ITSN1: variants seen among roughly 807,000 people sequenced by gnomAD.
The protein encoded by ITSN1 is intersectin 1, also known as intersectin-1.
A neutral mutation model predicts 239.8 loss-of-function variants in ITSN1; 58 were observed. That is an observed-to-expected ratio of 0.24 (90% CI 0.20 to 0.30). The LOEUF (loss-of-function observed/expected upper bound fraction) is 0.30. Ranked by LOEUF, ITSN1 falls within the 10% of genes least tolerant of loss-of-function variation. ITSN1 has a pLI of 1.00. For missense variants in ITSN1, 1,558 were observed against 2,103.3 expected, an observed-to-expected ratio of 0.74 and a Z score of 5.07; for synonymous variants, 780 against 770.8, an observed-to-expected ratio of 1.01 and a Z score of -0.20.
chr21:33,833,434 C>T (rs1387242704), intron 27 of ITSN1, among the ~76,000 whole-genome samples: 1 of 152,232 alleles, frequency 6.6e-6, no homozygotes, highest in Non-Finnish European at 1.5e-5. Flanking sequence ...CATGCAGACA[C>T]ATGAGTGCAT....
At chr21:33,654,190 C>G (rs2088825068) in intron 1 of ITSN1, among the ~76,000 whole-genome samples, 2 of 151,622 alleles carry the variant, frequency 1.3e-5, no homozygotes, top group Admixed American at 1.3e-4. Flanking sequence ...TTGACTACAG[C>G]CACAGCCACG....
intron 1 of ITSN1, among the ~76,000 whole-genome samples, chr21:33,670,395 C>T (rs943795416): frequency 6.6e-6 from 1 of 152,028 alleles, no homozygotes; most frequent in South Asian, 2.1e-4. Context: ...TTACTTATTC[C>T]CTAATTTATG....
In ITSN1 at chr21:33,753,745, C is replaced by T. The variant is rs1410160395; in HGVS notation, c.624-1552C>T. On this transcript the variant is annotated intron_variant, in intron 7 of 39. Coordinates refer to ENST00000381318, the MANE Select transcript of ITSN1 (RefSeq NM_003024.3). ...GCATTGCATTCCAGCCTGGGTGACACGGCAAGTCTCTTTCTTAAAAAAAAA... is the reference window on the plus strand; with the variant it reads ...GCATTGCATTCCAGCCTGGGTGACATGGCAAGTCTCTTTCTTAAAAAAAAA... 5.8e-5 allele frequency among the ~76,000 whole-genome samples: 7 copies of T among 120,858 alleles called. No individual in the cohort carries two copies. In the East Asian group the frequency reaches 1.2e-3, roughly 21 times the overall value. The allele number at this position is 120,858 out of a possible 152,430, so 79.3% of individuals were successfully genotyped here.
chr21:33,752,486 C>T (rs1182831184), intron 7 of ITSN1, among the ~76,000 whole-genome samples: 1 of 152,066 alleles, frequency 6.6e-6, no homozygotes, highest in African/African-American at 2.4e-5. Context: ...ATGTTTTGGC[C>T]AACCTTGGTT....
In ITSN1 at chr21:33,721,287, T is replaced by C. The variant is rs761431600; in HGVS notation, c.121+17T>C. ...TCATTACTGGTAATCACAGTCAGCA[T>C]TTTTTCATTTTTACTTATCAGTAGT... On this transcript the variant is annotated intron_variant, in intron 3 of 39. Coordinates refer to ENST00000381318, the MANE Select transcript of ITSN1 (RefSeq NM_003024.3). 6.6e-7 allele frequency: 1 copy of C among 1,515,606 alleles called. No homozygotes were observed. The highest frequency in any genetic ancestry group is 1.1e-5 in the South Asian group (1 of 89,124). 93.9% of individuals were successfully genotyped at this position (1,515,606 alleles called of 1,614,324 possible).
intron 8 of ITSN1, among the ~76,000 whole-genome samples, chr21:33,759,842 G>A (rs942564215): frequency 6.6e-6 from 1 of 152,178 alleles, no homozygotes; most frequent in Non-Finnish European, 1.5e-5. Flanking sequence ...ACTCATACCT[G>A]TAATCCCAGC....
At position 33,868,424 on chromosome 21, in the gene ITSN1, G is replaced by GC. The variant is rs1419982991; in HGVS notation, c.4173+1094dup. Among the ~76,000 whole-genome samples, 13 of 152,232 alleles carry GC rather than the reference G, an allele frequency of 8.5e-5. 1 individual carries two copies. The highest frequency in any genetic ancestry group is 8.5e-4 in the Admixed American group (13 of 15,292). On this transcript the variant is annotated intron_variant, in intron 33 of 39. Transcript: ENST00000381318. ...CAGGAACCCACGGAGGCAGGGGAAGGCTCAGGCATGGCGGGCTGCAGTCCC... is the reference window on the plus strand; with the variant it reads ...CAGGAACCCACGGAGGCAGGGGAAGGCCTCAGGCATGGCGGGCTGCAGTCCC...
chr21:33,820,441 T>C (rs1218247483), intron 24 of ITSN1, among the ~76,000 whole-genome samples: 1 of 152,222 alleles, frequency 6.6e-6, no homozygotes, highest in Non-Finnish European at 1.5e-5. Context: ...CTTGAATACA[T>C]TACAGGAGAA....
At chr21:33,747,909 G>A (rs2067279451) in intron 5 of ITSN1, among the ~76,000 whole-genome samples, 1 of 152,044 alleles carries the variant, frequency 6.6e-6, no homozygotes, top group Admixed American at 6.6e-5. Flanking sequence ...CATCAAAAAT[G>A]GTAAATATGT....
intron 20 of ITSN1, among the ~76,000 whole-genome samples, chr21:33,808,437 T>C: frequency 6.6e-6 from 1 of 151,872 alleles, no homozygotes; most frequent in East Asian, 1.9e-4. Flanking sequence ...ATACAGAAAT[T>C]AGCCAGGCGT....
chr21:33,867,552 G>C (rs1352284740), intron 33 of ITSN1, among the ~76,000 whole-genome samples: 1 of 151,352 alleles, frequency 6.6e-6, no homozygotes, highest in Non-Finnish European at 1.5e-5. Flanking sequence ...TGTAATCCCA[G>C]CACTTTGGGA....
chr21:33,690,145 G>A lies in ITSN1; in HGVS notation c.-32-28652G>A, dbSNP rs145137149. On this transcript the variant is annotated intron_variant, in intron 1 of 39. Transcript: ENST00000381318. ...CCAAAAATACTAGCCTGGCGTGGTG[G>A]TGCATGCCTGTAGTCCCAGCTATTC... 1.6e-3 allele frequency among the ~76,000 whole-genome samples: 239 copies of A among 151,542 alleles called. 1 individual carries two copies. The highest frequency in any genetic ancestry group is 3.4e-3 in the Middle Eastern group (1 of 292).
At chr21:33,871,130 C>CAA (rs748935209) in intron 33 of ITSN1, among the ~76,000 whole-genome samples, 1 of 132,878 alleles carries the variant, frequency 7.5e-6, no homozygotes, top group Non-Finnish European at 1.6e-5. Context: ...GACTCTGTCT[C>CAA]AAAAAAAAAA....
rs929342450 is a variant in ITSN1, at chr21:33,836,591, A to G, written c.3620A>G (p.Asn1207Ser). 4 of 1,614,124 alleles carry G rather than the reference A, an allele frequency of 2.5e-6. No homozygotes were observed. The highest frequency in any genetic ancestry group is 1.3e-5 in the African/African-American group (1 of 75,022). The change falls in exon 29 of 40, where the codon AAT becomes AGT. Residue 1207 changes from asparagine (N) to serine (S), a missense_variant. Physicochemically the swap from Asn to Ser is conservative, Grantham distance 46 (BLOSUM62 1). Transcript: ENST00000381318. ...GGACAAGTGGGGCTCTTCCCATCCAATTATGTGAAGCTGACCACAGACATG... is the reference window on the plus strand; with the variant it reads ...GGACAAGTGGGGCTCTTCCCATCCAGTTATGTGAAGCTGACCACAGACATG... ...VNGQVGLFPS[N>S]YVKLTTDMDP...
At chr21:33,817,511 T>G (rs1013877948) in intron 22 of ITSN1, 14 of 1,304,428 alleles carry the variant, frequency 1.1e-5, no homozygotes, top group Non-Finnish European at 1.4e-5. Flanking sequence ...AGGAACTCCT[T>G]TTTAGTATAT....
In ITSN1 at chr21:33,858,773, T is replaced by C; in HGVS notation, c.3871T>C (p.Cys1291Arg). Residue 1291 changes from cysteine (C) to arginine (R), a missense_variant, in exon 31 of 40, where the codon TGT becomes CGT. By Grantham distance (180) the Cys-to-Arg change is radical. This residue lies in a region of ITSN1 where 576 missense variants were observed against 893.3 expected (regional missense o/e 0.64). Transcript: ENST00000381318. Reference protein sequence around the residue: ...IFVNWKELIMCNIKLLKALRV... With the variant: ...IFVNWKELIMRNIKLLKALRV... ...TGTGAACTGGAAGGAGCTGATTATGTGTAATATCAAACTACTAAAGTAAGC... is the reference window on the plus strand; with the variant it reads ...TGTGAACTGGAAGGAGCTGATTATGCGTAATATCAAACTACTAAAGTAAGC... 2.5e-6 allele frequency: 4 copies of C among 1,611,102 alleles called. No homozygotes were observed. Among genetic ancestry groups the C allele is most frequent in the Non-Finnish European group, 3.4e-6 (4 of 1,177,394 alleles).
chr21:33,773,279 A>G (rs2069319914), intron 12 of ITSN1, among the ~76,000 whole-genome samples: 1 of 151,140 alleles, frequency 6.6e-6, no homozygotes, highest in African/African-American at 2.4e-5. Flanking sequence ...AAGTGCTGGG[A>G]TTACAGGCAT....
At chr21:33,816,557 C>T (rs1338118469) in intron 22 of ITSN1, among the ~76,000 whole-genome samples, 1 of 152,186 alleles carries the variant, frequency 6.6e-6, no homozygotes, top group Admixed American at 6.5e-5. Flanking sequence ...GAGTCCACAT[C>T]CAGCCCAGGC....
intron 1 of ITSN1, among the ~76,000 whole-genome samples, chr21:33,704,063 A>G (rs1568979788): frequency 6.6e-6 from 1 of 152,174 alleles, no homozygotes; most frequent in African/African-American, 2.4e-5. Flanking sequence ...GACCTACCTT[A>G]TGCTGCTGAA....
Sources: allele counts gnomAD v4.1 joint callset (sites outside exome capture counted in the v4.1 genomes callset), GRCh38; gene constraint gnomAD v4.1.1; regional missense constraint gnomAD v4.1.1; transcripts MANE v1.5; gene names NCBI Gene and HGNC (gene_info 2026-07-23, HGNC 2026-07-21).